The following PEX5 variants were observed in gnomAD, a reference collection of about 807,000 sequenced individuals.
PEX5 encodes PTS1 receptor.
PEX5 carries 52 observed loss-of-function variants against 82.9 expected under a neutral mutation model. The ratio of observed to expected loss-of-function variants is 0.63; its 90% confidence interval spans 0.50 to 0.79. The LOEUF (loss-of-function observed/expected upper bound fraction) is 0.79. PEX5 is among the 30% of genes least tolerant of loss of function. The pLI is 0.00. For missense variants in PEX5, 719 were observed against 815.2 expected (o/e 0.88, Z 1.44); for synonymous variants, 300 against 318.8 (o/e 0.94, Z 0.63).
intron 10 of PEX5, among the ~76,000 whole-genome samples, chr12:7,206,291 T>C (rs7975045): frequency 0.07 from 10,736 of 152,310 alleles, 488 homozygotes; most frequent in South Asian, 0.22. Context: ...GTGAAAATTA[T>C]ATAAAATTCA....
At chr12:7,195,206 C>T (rs76578746) in intron 5 of PEX5, among the ~76,000 whole-genome samples, 4,217 of 152,196 alleles carry the variant, frequency 0.028, 88 homozygotes, top group Non-Finnish European at 0.04. Context: ...GAGTAAACAA[C>T]GAGAAATTAT....
rs1565689366 is a variant in PEX5 at position 7,197,483 on chromosome 12, ATAATAATTATATATGTTATATATAATG to A, written c.449-1515_449-1489del. On this transcript the variant is annotated intron_variant, in intron 5 of 15. Transcript: ENST00000675855. Reference sequence around the variant, plus strand: ...AATAATTATATATGTTATATATAATATAATAATTATATATGTTATATATAATGTAATAATTATATGTTATATATAATG... The same window carrying A: ...AATAATTATATATGTTATATATAATATAATAATTATATGTTATATATAATG... 5.1e-5 allele frequency among the ~76,000 whole-genome samples: 5 copies of A among 99,008 alleles called. 1 individual carries two copies. The highest frequency in any genetic ancestry group is 1.2e-4 in the African/African-American group (3 of 25,762). The allele number at this position is 99,008 out of a possible 152,430, so 65.0% of individuals were successfully genotyped here. A position where few individuals can be genotyped will look rare whatever the true frequency, so the allele number is the denominator to read the frequency against.
intron 14 of PEX5, among the ~76,000 whole-genome samples, chr12:7,209,463 T>G (rs1945242003): frequency 6.6e-6 from 1 of 151,650 alleles, no homozygotes; most frequent in African/African-American, 2.4e-5. Context: ...AGGCTGGGAG[T>G]GTAGGGTCAT....
chr12:7,201,004 C>G (rs1423904732), intron 6 of PEX5, among the ~76,000 whole-genome samples: 1 of 152,108 alleles, frequency 6.6e-6, no homozygotes, highest in Non-Finnish European at 1.5e-5. Context: ...TAGTCAAGGA[C>G]ACAGTGGTTG....
In PEX5 at chr12:7,203,566, C is replaced by G. The variant is rs1382541007; in HGVS notation, c.966+15C>G. 1.9e-6 allele frequency: 3 copies of G among 1,611,182 alleles called. No homozygotes were observed. Among genetic ancestry groups the G allele is most frequent in the African/African-American group, 2.7e-5 (2 of 74,860 alleles). ...CCTATGATAAGGTGAGGTAAAAACT[C>G]TTAGTTTTTCAGGTTCCAGAACTTC... On this transcript the variant is annotated intron_variant, in intron 10 of 15. Transcript: ENST00000675855.
chr12:7,191,315 G>T lies in PEX5; in HGVS notation c.273G>T (p.Met91Ile), dbSNP rs761240813. The T allele has an allele frequency of 3.1e-6, 5 of 1,614,168 alleles. No homozygotes were observed. In the Admixed American group the frequency reaches 8.3e-5, roughly 27 times the overall value. The change falls in exon 4 of 16, where the codon ATG (methionine) becomes ATT (isoleucine). Residue 91 changes from methionine to isoleucine, a missense_variant. Physicochemically the swap from Met to Ile is conservative, Grantham distance 10. Transcript: ENST00000675855. ...TFKMDDLLAE[M>I]QQIEQSNFRQ... is the part of the protein sequence containing the mutation. The stretch of plus-strand genomic sequence containing the variant: ...AGATGGATGACCTCCTGGCTGAGAT[G>T]CAGCAGATTGAGCAGTCAAACTTCC...
At chr12:7,201,267 G>GTA (rs1491500298) in intron 6 of PEX5, among the ~76,000 whole-genome samples, 1 of 106,940 alleles carries the variant, frequency 9.4e-6, no homozygotes, top group African/African-American at 2.7e-5. Flanking sequence ...GCGTACACAT[G>GTA]TATACACACA....
At position 7,203,191 on chromosome 12, in the gene PEX5, CT is replaced by C. The variant is rs1400552122; in HGVS notation, c.847-240del. On this transcript the variant is annotated intron_variant, in intron 9 of 15. Transcript: ENST00000675855. ...AAACTAAACTAAACTATGCACTGCA[CT>C]GCACTGCACTGCACTGCACTGCACT... Among the ~76,000 whole-genome samples the C allele has an allele frequency of 1.3e-3, 15 of 11,864 alleles. 5 individuals are homozygous for C. The highest frequency in any genetic ancestry group is 5.0e-3 in the Non-Finnish European group (15 of 2,996). The allele number at this position is 11,864 out of a possible 152,430, so 7.8% of individuals were successfully genotyped here.
Position 7,208,244 on chromosome 12 carries a change from C to T in PEX5, c.1181+164C>T, listed in dbSNP as rs775355096. Among the ~76,000 whole-genome samples, 7 of 152,270 alleles carry T rather than the reference C, an allele frequency of 4.6e-5. No homozygotes were observed. The East Asian group carries it at 1.4e-3, about 29-fold the overall frequency. On this transcript the variant is annotated intron_variant, in intron 12 of 15. Transcript: ENST00000675855. The stretch of plus-strand genomic sequence containing the variant: ...GTTGGAGTGAATTCCATTCCTTCAT[C>T]GGCTTTTGATTTTATTTGCGGCTTT...
downstream of PEX5, among the ~76,000 whole-genome samples, chr12:7,212,134 T>G (rs758414627): frequency 6.6e-6 from 1 of 151,972 alleles, no homozygotes; most frequent in South Asian, 2.1e-4. Flanking sequence ...CCCAGCTAAT[T>G]TTGTATTTTT....
Position 7,195,525 on chromosome 12 carries a change from C to G in PEX5, c.449-3486C>G, listed in dbSNP as rs766925028. 5.9e-5 allele frequency among the ~76,000 whole-genome samples: 9 copies of G among 151,682 alleles called. No individual in the cohort carries two copies. The East Asian group carries it at 1.2e-3, about 20-fold the overall frequency. On this transcript the variant is annotated intron_variant, in intron 5 of 15. Transcript: ENST00000675855. ...TATTTGAGGATAGTTTTTCTCAGCT[C>G]TGGGATTTTTTTTCTTAAACTGCCT...
intron 10 of PEX5, among the ~76,000 whole-genome samples, chr12:7,206,353 G>C (rs1274752046): frequency 6.6e-6 from 1 of 152,210 alleles, no homozygotes; most frequent in Non-Finnish European, 1.5e-5. Flanking sequence ...GTGCTCATTT[G>C]TTTACTTATG....
In PEX5 at chr12:7,208,004, C is replaced by T. The variant is rs1054541109; in HGVS notation, c.1111-6C>T. ...GGGGTGATGGAATCTGTCAACTTCCCTCTAGGCTTGGCAGTATCTGGGTAC... is the reference window on the plus strand; with the variant it reads ...GGGGTGATGGAATCTGTCAACTTCCTTCTAGGCTTGGCAGTATCTGGGTAC... On this transcript the variant is annotated splice_region_variant and splice_polypyrimidine_tract_variant and intron_variant, in intron 11 of 15. Transcript: ENST00000675855. 3.7e-6 allele frequency: 6 copies of T among 1,612,440 alleles called. No homozygotes were observed. Among genetic ancestry groups the T allele is most frequent in the Non-Finnish European group, 5.1e-6 (6 of 1,178,604 alleles).
At chr12:7,197,941 C>G (rs368334872) in intron 5 of PEX5, among the ~76,000 whole-genome samples, 6 of 152,080 alleles carry the variant, frequency 3.9e-5, no homozygotes, top group East Asian at 3.9e-4. Context: ...GGCAGACTAA[C>G]TAGTAAGATT....
chr12:7,199,207 TTC>T, intron 6 of PEX5, 94 bp downstream of exon 6: 3 of 541,922 alleles, frequency 5.5e-6, no homozygotes, highest in Admixed American at 3.6e-5. Context: ...ACTTACTTTA[TTC>T]TTTTTTTTTT....
Position 7,208,011 on chromosome 12 carries a change from C to A in PEX5, c.1112C>A (p.Ala371Asp). ...AVQQDPKHME[A>D]WQYLGTTQAE... ...TGGAATCTGTCAACTTCCCTCTAGGCTTGGCAGTATCTGGGTACCACCCAG... is the reference window on the plus strand; with the variant it reads ...TGGAATCTGTCAACTTCCCTCTAGGATTGGCAGTATCTGGGTACCACCCAG... Residue 371 changes from alanine (A) to aspartate (D), a missense_variant and splice_region_variant, in exon 12 of 16, where the codon GCT (alanine) becomes GAT (aspartate). Transcript: ENST00000675855. The A allele has an allele frequency of 6.2e-7, 1 of 1,613,078 alleles. No individual in the cohort carries two copies. The highest frequency in any genetic ancestry group is 1.1e-5 in the South Asian group (1 of 91,050).
intron 6 of PEX5, among the ~76,000 whole-genome samples, chr12:7,200,761 G>T (rs1181610328): frequency 2.0e-5 from 3 of 151,896 alleles, no homozygotes; most frequent in Admixed American, 2.0e-4. Context: ...ATGGCGGCGC[G>T]TGCCTGCAAT....
At chr12:7,195,594 G>A (rs1941932894) in intron 5 of PEX5, among the ~76,000 whole-genome samples, 1 of 151,138 alleles carries the variant, frequency 6.6e-6, no homozygotes, top group Admixed American at 6.6e-5. Context: ...AAAATTCAAA[G>A]GTGCTTTGTG....
chr12:7,195,568 C>A (rs1941928832), intron 5 of PEX5, among the ~76,000 whole-genome samples: 1 of 150,652 alleles, frequency 6.6e-6, no homozygotes, highest in South Asian at 2.1e-4. Context: ...ATTGTTAAGT[C>A]CTCATGTCTG....
Sources: allele counts gnomAD v4.1 joint callset (sites outside exome capture counted in the v4.1 genomes callset), GRCh38; gene constraint gnomAD v4.1.1; transcripts MANE v1.5; gene names NCBI Gene and HGNC (gene_info 2026-07-23, HGNC 2026-07-21).